The following ADAMTS19 variants were observed in gnomAD, a reference collection of about 807,000 sequenced individuals.
The protein encoded by ADAMTS19 is ADAM metallopeptidase with thrombospondin type 1 motif 19, also known as A disintegrin and metalloproteinase with thrombospondin motifs 19.
A neutral mutation model predicts 153.3 loss-of-function variants in ADAMTS19; 93 were observed. That is an observed-to-expected ratio of 0.61 (90% CI 0.51 to 0.72). The LOEUF is 0.72. ADAMTS19 is among the 30% of genes least tolerant of loss of function. The pLI is 0.00. For synonymous variants in ADAMTS19, 600 were observed against 556.6 expected, an observed-to-expected ratio of 1.08 and a Z score of -1.10; for missense variants, 1,482 against 1,552.1, an observed-to-expected ratio of 0.95 and a Z score of 0.76.
At chr5:129,682,157 G>A (rs892472739) in intron 17 of ADAMTS19, among the ~76,000 whole-genome samples, 3 of 152,106 alleles carry the variant, frequency 2.0e-5, no homozygotes, top group African/African-American at 7.2e-5. Context: ...GTTTTTCCTG[G>A]AAGCATGAAG....
At chr5:129,473,728 A>G (rs777249452) in intron 2 of ADAMTS19, among the ~76,000 whole-genome samples, 8 of 152,186 alleles carry the variant, frequency 5.3e-5, no homozygotes, top group African/African-American at 7.2e-5. Flanking sequence ...ATTTTAAAAT[A>G]TATTGAATTG....
chr5:129,737,293 A>G lies in ADAMTS19; in HGVS notation c.*75A>G. 1.5e-6 allele frequency: 2 copies of G among 1,311,800 alleles called. No homozygotes were observed. Among genetic ancestry groups the G allele is most frequent in the Non-Finnish European group, 2.0e-6 (2 of 994,392 alleles). 81.3% of individuals were successfully genotyped at this position (1,311,800 alleles called of 1,614,324 possible). Reference sequence around the variant, plus strand: ...AAACACACACACTAGCATGTTTTTCAGACCAAATATTATCAGATTACATAT... The same window carrying G: ...AAACACACACACTAGCATGTTTTTCGGACCAAATATTATCAGATTACATAT... On this transcript the variant is annotated 3_prime_UTR_variant, in exon 23 of 23. Transcript: ENST00000274487.
chr5:129,547,657 A>C (rs1752911835), intron 6 of ADAMTS19, among the ~76,000 whole-genome samples: 1 of 150,750 alleles, frequency 6.6e-6, no homozygotes, highest in Non-Finnish European at 1.5e-5. Flanking sequence ...CTTTCTTCAC[A>C]GAATTGGAAA....
intron 10 of ADAMTS19, among the ~76,000 whole-genome samples, chr5:129,640,809 T>A (rs529221166): frequency 4.7e-4 from 71 of 152,206 alleles, no homozygotes; most frequent in African/African-American, 1.7e-3. Flanking sequence ...TCACTACAGA[T>A]TTAATACTCA....
intron 10 of ADAMTS19, among the ~76,000 whole-genome samples, chr5:129,624,019 C>T (rs2126984040): frequency 6.8e-6 from 1 of 147,746 alleles, no homozygotes; most frequent in East Asian, 2.0e-4. Flanking sequence ...CCCAGCTACT[C>T]AGGAGGCTGA....
intron 6 of ADAMTS19, among the ~76,000 whole-genome samples, chr5:129,551,071 A>T (rs1753074085): frequency 6.6e-6 from 1 of 151,700 alleles, no homozygotes; most frequent in African/African-American, 2.4e-5. Flanking sequence ...TGAACAATAA[A>T]CCTAGGTGGT....
At chr5:129,660,802 A>G (rs1331488260) in intron 15 of ADAMTS19, among the ~76,000 whole-genome samples, 7 of 152,140 alleles carry the variant, frequency 4.6e-5, no homozygotes, top group Admixed American at 3.9e-4. Context: ...TTACAACTCT[A>G]TGTTAATTTC....
rs1752010697 is a variant in ADAMTS19 at position 129,526,431 on chromosome 5, G to T, written c.1061G>T (p.Arg354Ile). 6.2e-7 allele frequency: 1 copy of T among 1,600,910 alleles called. No individual in the cohort carries two copies. The highest frequency in any genetic ancestry group is 8.5e-7 in the Non-Finnish European group (1 of 1,174,822). ...VSYHGADAAR[R>I]FILTILNMVF... The stretch of plus-strand genomic sequence containing the variant: ...TATCATGGAGCAGATGCAGCCAGGA[G>T]ATTCATTCTAACCATCTTAAATATG... Residue 354 changes from arginine (R) to isoleucine (I), a missense_variant, in exon 4 of 23, where the codon AGA (arginine) becomes ATA (isoleucine). Arg to Ile is a moderately conservative substitution (Grantham distance 97, BLOSUM62 -3). This residue lies in a region of ADAMTS19 where 866 missense variants were observed against 827.7 expected (regional missense o/e 1.05). Transcript: ENST00000274487.
chr5:129,654,165 G>A, intron 13 of ADAMTS19, 141 bp from the exon 14 acceptor site: 3 of 754,050 alleles, frequency 4.0e-6, no homozygotes, highest in South Asian at 2.6e-5. Context: ...ATCTTCTAAT[G>A]TTATCTACTC....
At chr5:129,652,935 C>T (rs765997035) in intron 13 of ADAMTS19, among the ~76,000 whole-genome samples, 18 of 152,042 alleles carry the variant, frequency 1.2e-4, no homozygotes, top group Non-Finnish European at 1.6e-4. Context: ...TGAGAGCACA[C>T]GGAAATGCTT....
intron 18 of ADAMTS19, among the ~76,000 whole-genome samples, chr5:129,693,662 A>G (rs1755433517): frequency 6.6e-6 from 1 of 152,224 alleles, no homozygotes; most frequent in Non-Finnish European, 1.5e-5. Flanking sequence ...TACTTACTAG[A>G]CATTTTAATT....
At chr5:129,666,687 T>C (rs1054928608) in intron 16 of ADAMTS19, among the ~76,000 whole-genome samples, 6 of 152,314 alleles carry the variant, frequency 3.9e-5, no homozygotes, top group Admixed American at 2.6e-4. Context: ...AAAATATGCA[T>C]TGGTATTTAA....
intron 8 of ADAMTS19, among the ~76,000 whole-genome samples, chr5:129,603,304 T>A (rs1750749186): frequency 6.6e-6 from 1 of 152,210 alleles, no homozygotes; most frequent in Admixed American, 6.5e-5. Context: ...TGAAAGGTGG[T>A]CTATACTTGC....
At chr5:129,644,913 G>A (rs1288530088) in intron 11 of ADAMTS19, among the ~76,000 whole-genome samples, 4 of 152,150 alleles carry the variant, frequency 2.6e-5, no homozygotes, top group Non-Finnish European at 4.4e-5. Context: ...AATGAAGACT[G>A]TAATATCCTA....
At chr5:129,543,572 G>A (rs775397471) in intron 6 of ADAMTS19, among the ~76,000 whole-genome samples, 4 of 152,120 alleles carry the variant, frequency 2.6e-5, no homozygotes, top group Non-Finnish European at 5.9e-5. Flanking sequence ...CTTTACAGTG[G>A]GCAGCAGGCC....
At chr5:129,575,757 G>A (rs1315681123) in intron 7 of ADAMTS19, among the ~76,000 whole-genome samples, 2 of 151,954 alleles carry the variant, frequency 1.3e-5, no homozygotes, top group Admixed American at 6.6e-5. Flanking sequence ...TATATTTTCC[G>A]AGGTACACTG....
intron 7 of ADAMTS19, among the ~76,000 whole-genome samples, chr5:129,554,626 T>C (rs533701079): frequency 1.3e-5 from 2 of 152,256 alleles, no homozygotes; most frequent in African/African-American, 4.8e-5. Flanking sequence ...TTCTTTCTCC[T>C]GGATGATATT....
chr5:129,713,668 T>C (rs1756582139), intron 21 of ADAMTS19, among the ~76,000 whole-genome samples: 1 of 151,114 alleles, frequency 6.6e-6, no homozygotes. Context: ...GGCTGAGGCA[T>C]GATAATTGCT....
intron 7 of ADAMTS19, among the ~76,000 whole-genome samples, chr5:129,587,109 A>G (rs1246245693): frequency 1.3e-5 from 2 of 152,098 alleles, no homozygotes; most frequent in African/African-American, 4.8e-5. Context: ...TTTAATTTGC[A>G]GTTACATTAT....
Sources: allele counts gnomAD v4.1 joint callset (sites outside exome capture counted in the v4.1 genomes callset), GRCh38; gene constraint gnomAD v4.1.1; regional missense constraint gnomAD v4.1.1; transcripts MANE v1.5; gene names NCBI Gene and HGNC (gene_info 2026-07-23, HGNC 2026-07-21).